Variants in PLCE1 observed in about 807,000 individuals in gnomAD.
PLCE1 encodes the protein 1-phosphatidylinositol 4,5-bisphosphate phosphodiesterase epsilon-1.
PLCE1 carries 119 observed loss-of-function variants against 242.8 expected under a neutral mutation model. The ratio of observed to expected loss-of-function variants is 0.49; its 90% confidence interval spans 0.42 to 0.57. PLCE1 has a LOEUF of 0.57. Ranked by LOEUF, PLCE1 falls within the 20% of genes least tolerant of loss-of-function variation. PLCE1 has a pLI of 0.00. For missense variants in PLCE1, 2,441 were observed against 2,788.8 expected (o/e 0.88, Z 2.81); for synonymous variants, 945 against 1,017.4 (o/e 0.93, Z 1.35).
intron 3 of PLCE1, chr10:94,138,056 G>T: frequency 2.7e-6 from 1 of 370,668 alleles, no homozygotes. Context: ...TGGCCTCTTT[G>T]AGTTTCGTCA....
rs557273782 is a variant in PLCE1 at position 94,242,665 on chromosome 10, G to A, written c.2421-3281G>A. On this transcript the variant is annotated intron_variant, in intron 7 of 32. Transcript: ENST00000371380. ...GTAAAGGGAGGCAAGGTTTCTCCTA[G>A]AGAGGCTGATTCGAGGACTGGGGCA... Among the ~76,000 whole-genome samples, 108 of 152,100 alleles carry A rather than the reference G, an allele frequency of 7.1e-4. 1 individual carries two copies. The highest frequency in any genetic ancestry group is 1.1e-3 in the Non-Finnish European group (75 of 68,020).
At chr10:94,127,774 T>C (rs967520517) in intron 2 of PLCE1, among the ~76,000 whole-genome samples, 2 of 152,150 alleles carry the variant, frequency 1.3e-5, no homozygotes, top group Admixed American at 6.5e-5. Flanking sequence ...ATATCCTATA[T>C]TGGCGAAAAG....
chr10:94,162,300 T>C (rs988019719), intron 3 of PLCE1, among the ~76,000 whole-genome samples: 17 of 152,194 alleles, frequency 1.1e-4, no homozygotes, highest in Non-Finnish European at 2.4e-4. Flanking sequence ...CTTTTTTTGG[T>C]TGGTAACCTA....
Position 94,195,557 on chromosome 10 carries a change from C to T in PLCE1, c.1809+24061C>T, listed in dbSNP as rs546606014. On this transcript the variant is annotated intron_variant, in intron 4 of 32. Coordinates refer to ENST00000371380, the MANE Select transcript of PLCE1 (RefSeq NM_016341.4). ...CTCATGTTGTAGGAGGATAACACTT[C>T]ACTTGGTGATTTCCTTTCTCTGGGA... is the stretch of plus-strand genomic sequence containing the variant. 3.9e-5 allele frequency among the ~76,000 whole-genome samples: 6 copies of T among 152,160 alleles called. No homozygotes were observed. In the East Asian group the frequency reaches 1.2e-3, roughly 29 times the overall value.
In PLCE1 at chr10:94,322,028, G is replaced by C. The variant is rs767860128; in HGVS notation, c.6470G>C (p.Arg2157Pro). The C allele has an allele frequency of 1.2e-6, 2 of 1,614,090 alleles. No individual in the cohort carries two copies. Among genetic ancestry groups the C allele is most frequent in the East Asian group, 2.2e-5 (1 of 44,882 alleles). Residue 2157 changes from arginine (R) to proline (P), a missense_variant, in exon 30 of 33, where the codon CGC (arginine) becomes CCC (proline). Around this residue, in one of 5 missense-constraint regions of PLCE1, gnomAD observed 310 missense variants for 317.2 expected, o/e 0.98. Transcript: ENST00000371380. Reference protein sequence around the residue: ...EQPRTVIKAPRVSTAQDVIQQ... With the variant: ...EQPRTVIKAPPVSTAQDVIQQ... ...CCTCGAACAGTCATCAAAGCACCCCGCGTCAGCACTGCACAGGATGTCATT... is the reference window on the plus strand; with the variant it reads ...CCTCGAACAGTCATCAAAGCACCCCCCGTCAGCACTGCACAGGATGTCATT...
chr10:94,269,773 C>T (rs573242412), intron 17 of PLCE1, among the ~76,000 whole-genome samples: 31 of 152,302 alleles, frequency 2.0e-4, no homozygotes, highest in Non-Finnish European at 3.7e-4. Context: ...TAATGAGCAT[C>T]AGTTCCACCT....
At chr10:94,087,746 A>C (rs2044888822) in intron 2 of PLCE1, among the ~76,000 whole-genome samples, 1 of 151,468 alleles carries the variant, frequency 6.6e-6, no homozygotes, top group South Asian at 2.1e-4. Context: ...CCTGTCCCCA[A>C]CCTCCTAATA....
chr10:94,250,146 A>C (rs1010088904), intron 8 of PLCE1, among the ~76,000 whole-genome samples: 4 of 150,090 alleles, frequency 2.7e-5, no homozygotes, highest in East Asian at 2.0e-4. Flanking sequence ...AAAAAAAAAA[A>C]AAAACTGTTT....
intron 27 of PLCE1, among the ~76,000 whole-genome samples, chr10:94,311,236 T>C (rs772254128): frequency 5.9e-5 from 9 of 152,210 alleles, no homozygotes; most frequent in Non-Finnish European, 5.9e-5. Flanking sequence ...GGTTCAATTA[T>C]TGGCCACTGG....
intron 2 of PLCE1, among the ~76,000 whole-genome samples, chr10:94,065,307 C>T (rs569467282): frequency 6.6e-6 from 1 of 152,316 alleles, no homozygotes; most frequent in Admixed American, 6.5e-5. Flanking sequence ...CCTTTTCCTC[C>T]CTTTGACCTC....
intron 2 of PLCE1, among the ~76,000 whole-genome samples, chr10:94,036,985 G>C (rs77218575): frequency 4.8e-4 from 73 of 152,052 alleles, no homozygotes; most frequent in African/African-American, 1.7e-3. Context: ...ATACACTAAA[G>C]AGTAAAAAAC....
At chr10:94,236,784 G>T (rs2050338948) in intron 7 of PLCE1, among the ~76,000 whole-genome samples, 1 of 152,144 alleles carries the variant, frequency 6.6e-6, no homozygotes, top group African/African-American at 2.4e-5. Context: ...TCTATATATA[G>T]AGAGAAGACC....
In PLCE1 at chr10:94,125,527, G is replaced by A. The variant is rs1332142723; in HGVS notation, c.1207-6647G>A. 5.3e-5 allele frequency among the ~76,000 whole-genome samples: 8 copies of A among 152,066 alleles called. No individual in the cohort carries two copies. The East Asian group carries it at 1.3e-3, about 26-fold the overall frequency. On this transcript the variant is annotated intron_variant, in intron 2 of 32. Coordinates refer to ENST00000371380, the MANE Select transcript of PLCE1 (RefSeq NM_016341.4). ...CCTGCCTCAGCCTCCGGAGTAGCTG[G>A]GACTACAGACACCTAGCGCCTTATT...
intron 2 of PLCE1, among the ~76,000 whole-genome samples, chr10:94,073,533 A>G (rs945202561): frequency 7.2e-5 from 11 of 152,208 alleles, no homozygotes; most frequent in African/African-American, 9.6e-5. Context: ...AGTTAAAACC[A>G]GTATGGAGAA....
At position 94,132,202 on chromosome 10, in the gene PLCE1, C is replaced by G; in HGVS notation, c.1235C>G (p.Thr412Arg). 3 of 1,614,060 alleles carry G rather than the reference C, an allele frequency of 1.9e-6. No homozygotes were observed. The highest frequency in any genetic ancestry group is 2.5e-6 in the Non-Finnish European group (3 of 1,179,950). Residue 412 changes from threonine (T) to arginine (R), a missense_variant, in exon 3 of 33, where the codon ACA becomes AGA. Transcript: ENST00000371380. ...TACAATGCAGTGAGAAGAGAAGAAA[C>G]AGAAAATACAGTTGGATCTCTACTC... The part of the protein sequence containing the change: ...PIYNAVRREE[T>R]ENTVGSLLHF...
At chr10:94,091,528 C>T (rs2045073944) in intron 2 of PLCE1, among the ~76,000 whole-genome samples, 1 of 151,892 alleles carries the variant, frequency 6.6e-6, no homozygotes, top group Non-Finnish European at 1.5e-5. Context: ...GTCTACAGTA[C>T]CTAAGAGACA....
At chr10:94,024,908 A>G (rs906132986) in intron 1 of PLCE1, among the ~76,000 whole-genome samples, 2 of 152,146 alleles carry the variant, frequency 1.3e-5, no homozygotes, top group Admixed American at 1.3e-4. Flanking sequence ...TAAAATAGGT[A>G]TGATAATAAT....
At chr10:94,110,829 A>G (rs982734350) in intron 2 of PLCE1, among the ~76,000 whole-genome samples, 3 of 152,244 alleles carry the variant, frequency 2.0e-5, no homozygotes, top group African/African-American at 7.2e-5. Flanking sequence ...GTAGTGCTGC[A>G]GAAAGTGCTT....
chr10:94,005,319 G>A (rs908719124), intron 1 of PLCE1, among the ~76,000 whole-genome samples: 2 of 152,196 alleles, frequency 1.3e-5, no homozygotes, highest in African/African-American at 4.8e-5. Flanking sequence ...AGCCATTCAG[G>A]TTAATCTAGA....
Sources: gnomAD v4.1 joint callset for allele counts (sites outside exome capture counted in the v4.1 genomes callset) on GRCh38, gnomAD v4.1.1 for gene constraint, gnomAD v4.1.1 regional missense constraint, MANE v1.5 for transcripts, NCBI Gene and HGNC (gene_info 2026-07-23, HGNC 2026-07-21) for gene names.